The following CCL17 variants were observed in gnomAD, a reference collection of about 807,000 sequenced individuals.
CCL17 encodes the protein C-C motif chemokine ligand 17, also known as C-C motif chemokine 17.
A neutral mutation model predicts 7.4 loss-of-function variants in CCL17; 8 were observed. That is an observed-to-expected ratio of 1.09 (90% confidence interval 0.64 to 1.96). The LOEUF is 1.96. Ranked by LOEUF, CCL17 falls within the 30% of genes most tolerant of loss-of-function variation. The pLI, the probability that CCL17 is intolerant of heterozygous loss-of-function variation, is 0.00. For synonymous variants in CCL17, 40 were observed against 46.1 expected, an observed-to-expected ratio of 0.87 and a Z score of 0.54; for missense variants, 102 against 113.0, an observed-to-expected ratio of 0.90 and a Z score of 0.44.
rs1902670251 is a variant in CCL17, at chr16:57,404,795, A to T, written c.-101A>T. On this transcript the variant is annotated 5_prime_UTR_variant, in exon 1 of 4. Coordinates refer to ENST00000219244, the MANE Select transcript of CCL17 (RefSeq NM_002987.3). ...CAGAGAGAAGTGACTTTGAGCTCAC[A>T]GTGTCACCGCCTGCTGATGGGAGAG... 1.3e-5 allele frequency: 2 copies of T among 154,398 alleles called. No homozygotes were observed. The highest frequency in any genetic ancestry group is 5.1e-4 in the Middle Eastern group (1 of 1,948). The allele number at this position is 154,398 out of a possible 1,614,324, so 9.6% of individuals were successfully genotyped here. A position where few individuals can be genotyped will look rare whatever the true frequency, so the allele number is the denominator to read the frequency against.
At chr16:57,409,340 A>G (rs1902748684) in intron 1 of CCL17, among the ~76,000 whole-genome samples, 1 of 152,248 alleles carries the variant, frequency 6.6e-6, no homozygotes, top group Non-Finnish European at 1.5e-5. Flanking sequence ...GGCATTTTCA[A>G]GGAACTGAAA....
At chr16:57,413,837 G>T in intron 1 of CCL17, 37 bp from the exon 2 acceptor site, 1 of 1,052,794 alleles carries the variant, frequency 9.5e-7, no homozygotes, top group South Asian at 1.6e-5. Flanking sequence ...CCCCCAAAGA[G>T]GTTAAATAGG....
At chr16:57,398,736 G>T in the CCL17 span, among the ~76,000 whole-genome samples, 3 of 152,196 alleles carry the variant, frequency 2.0e-5, no homozygotes, top group Non-Finnish European at 4.4e-5. Flanking sequence ...TAGATGCCTT[G>T]TACCCTTGAT....
In CCL17 at chr16:57,412,309, C is replaced by A. The variant is rs537971885; in HGVS notation, c.-59-1565C>A. On this transcript the variant is annotated intron_variant, in intron 1 of 3. Coordinates refer to ENST00000219244, the MANE Select transcript of CCL17 (RefSeq NM_002987.3). Reference sequence around the variant, plus strand: ...AAGCAGCCACAGGCTCCCAGGCAGCCCTTGCTGAGGGGTGGGGAGAGGAGC... The same window carrying A: ...AAGCAGCCACAGGCTCCCAGGCAGCACTTGCTGAGGGGTGGGGAGAGGAGC... Among the ~76,000 whole-genome samples, 3 of 152,114 alleles carry A rather than the reference C, an allele frequency of 2.0e-5. No individual in the cohort carries two copies. In the South Asian group the frequency reaches 6.2e-4, roughly 32 times the overall value.
chr16:57,415,825 T>A lies in CCL17; in HGVS notation c.249T>A (p.Asn83Lys). 6.2e-7 allele frequency: 1 copy of A among 1,613,304 alleles called. No individual in the cohort carries two copies. The highest frequency in any genetic ancestry group is 8.5e-7 in the Non-Finnish European group (1 of 1,179,222). Residue 83 changes from asparagine to lysine, a missense_variant, in exon 4 of 4, where the codon AAT (asparagine) becomes AAA (lysine). Coordinates refer to ENST00000219244, the MANE Select transcript of CCL17 (RefSeq NM_002987.3). This position sits in a 1 kb window ranked among gnomAD's most constrained non-coding sequence, Gnocchi z 4.5. ...CSDPNNKRVK[N>K]AVKYLQSLER... ...ACCCCAACAACAAGAGAGTGAAGAA[T>A]GCAGTTAAATACCTGCAAAGCCTTG...
At chr16:57,396,765 T>C in the CCL17 span, among the ~76,000 whole-genome samples, 35 of 151,680 alleles carry the variant, frequency 2.3e-4, no homozygotes, top group African/African-American at 8.5e-4. Flanking sequence ...GGGCTTGAAG[T>C]TGTAGGGTGT....
chr16:57,414,378 G>A (rs1264744335), intron 2 of CCL17, among the ~76,000 whole-genome samples: 1 of 143,756 alleles, frequency 7.0e-6, no homozygotes, highest in Non-Finnish European at 1.5e-5. Context: ...AAAGATAGGA[G>A]AATTGTTTCC....
At chr16:57,408,017 C>T (rs1902723846) in intron 1 of CCL17, among the ~76,000 whole-genome samples, 1 of 151,620 alleles carries the variant, frequency 6.6e-6, no homozygotes. Context: ...ATCCATCCAT[C>T]TACCCATCCA....
the CCL17 span, among the ~76,000 whole-genome samples, chr16:57,396,362 T>TA: frequency 2.6e-5 from 4 of 152,162 alleles, no homozygotes; most frequent in South Asian, 2.1e-4. Flanking sequence ...TTGTGTATGT[T>TA]AAAAAGGTGT....
At position 57,415,757 on chromosome 16, in the gene CCL17, C is replaced by G; in HGVS notation, c.189-8C>G. 6 of 1,592,142 alleles carry G rather than the reference C, an allele frequency of 3.8e-6. No homozygotes were observed. Among genetic ancestry groups the G allele is most frequent in the Non-Finnish European group, 5.2e-6 (6 of 1,159,938 alleles). On this transcript the variant is annotated splice_polypyrimidine_tract_variant and splice_region_variant and intron_variant, in intron 3 of 3. Transcript: ENST00000219244. The surrounding 1 kb of genome is among the most constrained non-coding windows in gnomAD (Gnocchi z 4.5). ...TGCCACTCCTGGTAACGTCCTCCTT[C>G]TGTGTAGTTTTGTAACTGTGCAGGG...
intron 1 of CCL17, among the ~76,000 whole-genome samples, chr16:57,413,456 C>T (rs1039892680): frequency 6.6e-6 from 1 of 152,184 alleles, no homozygotes; most frequent in African/African-American, 2.4e-5. Flanking sequence ...CACCCTGAAG[C>T]TCACTCATGG....
At chr16:57,407,726 C>T (rs375392540) in intron 1 of CCL17, among the ~76,000 whole-genome samples, 1 of 152,124 alleles carries the variant, frequency 6.6e-6, no homozygotes, top group African/African-American at 2.4e-5. Flanking sequence ...TCAACCCATT[C>T]ATCCATCCTT....
Position 57,408,492 on chromosome 16 carries a change from G to C in CCL17, c.-60+3656G>C, listed in dbSNP as rs943164973. The stretch of plus-strand genomic sequence containing the variant: ...AGTGGTACAATCATGGCTCACTGCA[G>C]CCTCAACTTTCCTGATGTAGGTGAT... On this transcript the variant is annotated intron_variant, in intron 1 of 3. Transcript: ENST00000219244. 4.6e-5 allele frequency among the ~76,000 whole-genome samples: 7 copies of C among 152,058 alleles called. No individual in the cohort carries two copies. In the South Asian group the frequency reaches 1.4e-3, roughly 31 times the overall value.
upstream of CCL17, among the ~76,000 whole-genome samples, chr16:57,403,559 A>ATAATATATATT (rs1902644201): frequency 1.9e-5 from 1 of 53,848 alleles, no homozygotes; most frequent in African/African-American, 7.2e-5. Context: ...TTTTATATAT[A>ATAATATATATT]TATAATATAT....
At chr16:57,401,959 T>C (rs1025959146), upstream of CCL17, among the ~76,000 whole-genome samples, 6 of 152,176 alleles carry the variant, frequency 3.9e-5, no homozygotes, top group African/African-American at 1.4e-4. Flanking sequence ...GAACTCAACC[T>C]GAGACAGTGG....
chr16:57,412,012 T>A (rs1378474774), intron 1 of CCL17, among the ~76,000 whole-genome samples: 1 of 152,168 alleles, frequency 6.6e-6, no homozygotes, highest in African/African-American at 2.4e-5. Flanking sequence ...CCATCTGGAC[T>A]GTGGCTTGAG....
upstream of CCL17, among the ~76,000 whole-genome samples, chr16:57,401,300 G>A (rs1301953689): frequency 6.6e-6 from 1 of 152,092 alleles, no homozygotes; most frequent in East Asian, 1.9e-4. Flanking sequence ...AAGGCAGGAG[G>A]ATCATCTGAG....
chr16:57,401,084 T>C (rs1200517259), upstream of CCL17, among the ~76,000 whole-genome samples: 2 of 152,030 alleles, frequency 1.3e-5, no homozygotes, highest in African/African-American at 4.8e-5. Context: ...AATTGTGGTA[T>C]AGTTGGTGTA....
intron 1 of CCL17, among the ~76,000 whole-genome samples, chr16:57,408,801 C>A (rs1902740821): frequency 6.6e-6 from 1 of 152,014 alleles, no homozygotes; most frequent in Non-Finnish European, 1.5e-5. Flanking sequence ...GTCTCGATCT[C>A]CTGACCTTGT....
Sources: allele counts gnomAD v4.1 joint callset (sites outside exome capture counted in the v4.1 genomes callset), GRCh38; gene constraint gnomAD v4.1.1; non-coding constraint Gnocchi (gnomAD v3.1); transcripts MANE v1.5; gene names NCBI Gene and HGNC (gene_info 2026-07-23, HGNC 2026-07-21).